Variants in ARMH4 observed in about 807,000 individuals in gnomAD.
The protein encoded by ARMH4 is armadillo-like helical domain-containing protein 4.
In ARMH4, 49 loss-of-function variants were observed where a neutral mutation model predicts 61.9. The ratio of observed to expected loss-of-function variants is 0.79; its 90% confidence interval spans 0.63 to 1.00. The LOEUF is 1.00. Among genes scored for constraint, ARMH4 ranks in the 50% least tolerant of loss-of-function variants. ARMH4 has a pLI of 0.00. For synonymous variants in ARMH4, 368 were observed against 341.5 expected (o/e 1.08, Z -0.85); for missense variants, 934 against 930.0 (o/e 1.00, Z -0.06).
chr14:58,128,407 T>G (rs2139948174), intron 4 of ARMH4, among the ~76,000 whole-genome samples: 1 of 152,306 alleles, frequency 6.6e-6, no homozygotes, highest in South Asian at 2.1e-4. Context: ...AAAAAGAACA[T>G]GTTTGTTATG....
intron 5 of ARMH4, among the ~76,000 whole-genome samples, chr14:58,013,029 CA>C (rs1398168906): frequency 6.6e-6 from 1 of 152,018 alleles, no homozygotes; most frequent in Non-Finnish European, 1.5e-5. Flanking sequence ...GAAAAAAAGA[CA>C]AATATATTCT....
intron 5 of ARMH4, among the ~76,000 whole-genome samples, chr14:58,089,080 G>A (rs921447138): frequency 3.3e-5 from 5 of 152,282 alleles, no homozygotes; most frequent in Non-Finnish European, 5.9e-5. Flanking sequence ...GTCATCTGGG[G>A]GCTTTAGCCA....
chr14:58,029,943 G>A (rs1246651688), intron 5 of ARMH4, among the ~76,000 whole-genome samples: 1 of 151,560 alleles, frequency 6.6e-6, no homozygotes, highest in East Asian at 1.9e-4. Context: ...GCCAAAAGGA[G>A]GAAATAACCC....
chr14:58,089,586 T>C (rs1885492953), intron 5 of ARMH4, among the ~76,000 whole-genome samples: 1 of 152,226 alleles, frequency 6.6e-6, no homozygotes, highest in Non-Finnish European at 1.5e-5. Flanking sequence ...ATGAACCTGA[T>C]AAATTAATCC....
chr14:58,093,072 G>C (rs1187757695), intron 5 of ARMH4, among the ~76,000 whole-genome samples: 3 of 152,014 alleles, frequency 2.0e-5, no homozygotes, highest in African/African-American at 7.2e-5. Flanking sequence ...AACATTTGAT[G>C]ATTTTATAGG....
At chr14:58,057,196 C>A (rs564341775) in intron 5 of ARMH4, among the ~76,000 whole-genome samples, 1 of 152,212 alleles carries the variant, frequency 6.6e-6, no homozygotes, top group African/African-American at 2.4e-5. Context: ...CGATGTTAAG[C>A]GAAATTGTCT....
intron 5 of ARMH4, among the ~76,000 whole-genome samples, chr14:58,079,904 A>G (rs1465625684): frequency 1.3e-5 from 2 of 152,204 alleles, no homozygotes; most frequent in East Asian, 3.9e-4. Context: ...ATTCCACACA[A>G]CTTATAAACA....
At chr14:58,106,423 G>C (rs1043068167) in intron 4 of ARMH4, among the ~76,000 whole-genome samples, 3 of 152,214 alleles carry the variant, frequency 2.0e-5, no homozygotes, top group Non-Finnish European at 2.9e-5. Context: ...CTGTGCTTGA[G>C]GTGAACTGAA....
In ARMH4 at chr14:58,127,444, C is replaced by T. The variant is rs372761524; in HGVS notation, c.1831+4068G>A. Among the ~76,000 whole-genome samples the T allele has an allele frequency of 2.6e-5, 4 of 152,150 alleles. No individual in the cohort carries two copies. The South Asian group carries it at 6.2e-4, about 24-fold the overall frequency. On this transcript the variant is annotated intron_variant, in intron 4 of 7. Coordinates refer to ENST00000267485, the MANE Select transcript of ARMH4 (RefSeq NM_001001872.4). ...GTAACTTTGCTACTCCTTTGCCTTT[C>T]GCCATGATTGTGAGGCCTCCCCAGC...
intron 5 of ARMH4, among the ~76,000 whole-genome samples, chr14:58,075,399 A>T (rs1481019108): frequency 6.6e-6 from 1 of 152,226 alleles, no homozygotes; most frequent in Non-Finnish European, 1.5e-5. Flanking sequence ...TATGGCACAT[A>T]TACACCATGG....
intron 5 of ARMH4, among the ~76,000 whole-genome samples, chr14:58,092,092 T>C (rs936436293): frequency 1.3e-5 from 2 of 152,188 alleles, no homozygotes; most frequent in Non-Finnish European, 2.9e-5. Context: ...CTATAATCTA[T>C]TCCAAGAGTT....
intron 4 of ARMH4, 117 bp from the exon 5 acceptor site, chr14:58,097,098 A>C: frequency 9.1e-7 from 1 of 1,096,112 alleles, no homozygotes; most frequent in Non-Finnish European, 1.3e-6. Flanking sequence ...TTTGAAACAC[A>C]TCTTTATAGC....
At chr14:58,055,248 A>G (rs973061240) in intron 5 of ARMH4, among the ~76,000 whole-genome samples, 1 of 152,222 alleles carries the variant, frequency 6.6e-6, no homozygotes, top group African/African-American at 2.4e-5. Flanking sequence ...ATTTCCTCTC[A>G]TAGATTAATT....
At chr14:58,136,459 C>T (rs1424456893) in intron 2 of ARMH4, among the ~76,000 whole-genome samples, 1 of 152,146 alleles carries the variant, frequency 6.6e-6, no homozygotes, top group Non-Finnish European at 1.5e-5. Flanking sequence ...TAAAAACCAA[C>T]TTACAAGACA....
intron 1 of ARMH4, chr14:58,141,256 G>A (rs979589313): frequency 1.3e-4 from 40 of 298,092 alleles, no homozygotes; most frequent in Non-Finnish European, 2.8e-4. Flanking sequence ...TCTTCAGCGA[G>A]GCGGCCGGGC....
rs1887432596 is a variant in ARMH4, at chr14:58,139,043, T to G, written c.316A>C (p.Thr106Pro). 6.2e-7 allele frequency: 1 copy of G among 1,614,112 alleles called. No individual in the cohort carries two copies. Among genetic ancestry groups the G allele is most frequent in the Non-Finnish European group, 8.5e-7 (1 of 1,180,058 alleles). The change falls in exon 2 of 8, where the codon ACA becomes CCA. Residue 106 changes from threonine to proline, a missense_variant. By Grantham distance (38) the Thr-to-Pro change is conservative. Coordinates refer to ENST00000267485, the MANE Select transcript of ARMH4 (RefSeq NM_001001872.4). The stretch of plus-strand genomic sequence containing the variant: ...GGTGTGGAAACACCAGGGCGTTCTG[T>G]TTGCATGAGCCCAGCTTGTCCAGGC... Reference protein sequence around the residue: ...TQPGQAGLMQTERPGVSTPTE... With the variant: ...TQPGQAGLMQPERPGVSTPTE...
chr14:58,030,136 A>C (rs761367972), intron 5 of ARMH4, among the ~76,000 whole-genome samples: 10 of 152,218 alleles, frequency 6.6e-5, no homozygotes, highest in Non-Finnish European at 1.2e-4. Flanking sequence ...AAGATGGGGT[A>C]AAGAAGCTAT....
At chr14:58,143,143 T>C (rs974319292) in intron 1 of ARMH4, among the ~76,000 whole-genome samples, 2 of 152,166 alleles carry the variant, frequency 1.3e-5, no homozygotes, top group Non-Finnish European at 2.9e-5. Flanking sequence ...ATAACAAATA[T>C]TTATTGTTAT....
At chr14:58,042,553 A>C (rs1266644901) in intron 5 of ARMH4, among the ~76,000 whole-genome samples, 1 of 152,152 alleles carries the variant, frequency 6.6e-6, no homozygotes, top group Non-Finnish European at 1.5e-5. Context: ...GAGAAGCAAG[A>C]GCAAACACAT....
Sources: allele counts gnomAD v4.1 joint callset (sites outside exome capture counted in the v4.1 genomes callset), GRCh38; gene constraint gnomAD v4.1.1; transcripts MANE v1.5; gene names NCBI Gene and HGNC (gene_info 2026-07-23, HGNC 2026-07-21).